Variants in CNBD1 observed in about 807,000 individuals in gnomAD.
CNBD1 encodes cyclic nucleotide binding domain containing 1.
CNBD1 carries 71 observed loss-of-function variants against 54.4 expected under a neutral mutation model. The ratio of observed to expected loss-of-function variants is 1.30; its 90% confidence interval spans 1.08 to 1.59. The LOEUF is 1.59. Among genes scored for constraint, CNBD1 ranks in the 40% most tolerant of loss-of-function variants. The probability of loss-of-function intolerance (pLI) is 0.00; values close to 1 mark genes in which losing one functional copy is unlikely to be tolerated. For synonymous variants in CNBD1, 182 were observed against 170.7 expected, an observed-to-expected ratio of 1.07 and a Z score of -0.51; for missense variants, 659 against 518.0, an observed-to-expected ratio of 1.27 and a Z score of -2.64.
intron 5 of CNBD1, among the ~76,000 whole-genome samples, chr8:87,236,486 T>A (rs1209667847): frequency 1.3e-5 from 2 of 152,060 alleles, no homozygotes; most frequent in Non-Finnish European, 2.9e-5. Flanking sequence ...AGAGCAAAGA[T>A]AAATGAAAAT....
At chr8:87,012,435 A>G (rs1809242946) in intron 4 of CNBD1, among the ~76,000 whole-genome samples, 1 of 152,172 alleles carries the variant, frequency 6.6e-6, no homozygotes. Flanking sequence ...ATTATGAGAC[A>G]AGGAAAAAAA....
chr8:87,084,717 C>T (rs1258270359), intron 4 of CNBD1, among the ~76,000 whole-genome samples: 4 of 150,980 alleles, frequency 2.6e-5, no homozygotes, highest in Non-Finnish European at 5.9e-5. Context: ...ACTCTTGTTG[C>T]CCAGGCTGGA....
chr8:87,271,508 G>T (rs765241800), intron 6 of CNBD1, among the ~76,000 whole-genome samples: 1 of 151,656 alleles, frequency 6.6e-6, no homozygotes, highest in Non-Finnish European at 1.5e-5. Context: ...TTGACCTATT[G>T]GTCATTCAGG....
At chr8:87,275,210 T>C (rs920189857) in intron 6 of CNBD1, among the ~76,000 whole-genome samples, 1 of 142,004 alleles carries the variant, frequency 7.0e-6, no homozygotes, top group Non-Finnish European at 1.5e-5. Flanking sequence ...GGTAGTGTGA[T>C]GCCTCCAGCT....
chr8:87,116,566 C>A (rs1811772539), intron 4 of CNBD1, among the ~76,000 whole-genome samples: 1 of 151,926 alleles, frequency 6.6e-6, no homozygotes, highest in Non-Finnish European at 1.5e-5. Context: ...TATTTAATTG[C>A]TTTTTATTGT....
At chr8:87,199,292 C>T (rs1438252066) in intron 4 of CNBD1, among the ~76,000 whole-genome samples, 1 of 152,080 alleles carries the variant, frequency 6.6e-6, no homozygotes, top group African/African-American at 2.4e-5. Flanking sequence ...AAGTAAGTAA[C>T]TAAAATTAAA....
chr8:87,128,023 GAGA>G (rs552230830), intron 4 of CNBD1, among the ~76,000 whole-genome samples: 201 of 152,284 alleles, frequency 1.3e-3, no homozygotes, highest in Non-Finnish European at 2.3e-3. Context: ...ATAAAGAGAA[GAGA>G]AGGAGTGTCT....
At chr8:87,305,014 G>A (rs980121069) in intron 8 of CNBD1, among the ~76,000 whole-genome samples, 1 of 152,014 alleles carries the variant, frequency 6.6e-6, no homozygotes, top group African/African-American at 2.4e-5. Flanking sequence ...AAACCCTAAG[G>A]ATTCCTCCAG....
At chr8:87,375,896 C>A (rs1056912949) in intron 10 of CNBD1, among the ~76,000 whole-genome samples, 2 of 151,690 alleles carry the variant, frequency 1.3e-5, no homozygotes, top group African/African-American at 4.8e-5. Context: ...TTTTTCAGGC[C>A]TTGGATCTAC....
chr8:87,180,172 G>A (rs1295818337), intron 4 of CNBD1, among the ~76,000 whole-genome samples: 2 of 152,060 alleles, frequency 1.3e-5, no homozygotes, highest in African/African-American at 4.8e-5. Flanking sequence ...AAATACCCAA[G>A]CCATGATTAC....
At chr8:87,405,163 A>G (rs1807631853) in intron 2 of CNBD1, among the ~76,000 whole-genome samples, 1 of 152,116 alleles carries the variant, frequency 6.6e-6, no homozygotes. Context: ...AAGGTGAGGG[A>G]ATAGATACAA....
intron 8 of CNBD1, among the ~76,000 whole-genome samples, chr8:87,341,954 A>C (rs1255337285): frequency 6.6e-6 from 1 of 152,178 alleles, no homozygotes. Flanking sequence ...GAAGCCTCTT[A>C]ATGGATTTCT....
intron 8 of CNBD1, among the ~76,000 whole-genome samples, chr8:87,337,239 T>A (rs1375815015): frequency 6.6e-6 from 1 of 152,022 alleles, no homozygotes; most frequent in Non-Finnish European, 1.5e-5. Context: ...GTGGAGGGTG[T>A]TTGCTGTGCT....
intron 3 of CNBD1, among the ~76,000 whole-genome samples, chr8:86,935,863 G>A (rs893183453): frequency 2.0e-5 from 3 of 150,064 alleles, no homozygotes; most frequent in African/African-American, 7.3e-5. Flanking sequence ...TGCATTTGGG[G>A]CTGAGCATAG....
intron 6 of CNBD1, among the ~76,000 whole-genome samples, chr8:87,274,873 C>G (rs1461786903): frequency 2.2e-5 from 3 of 134,146 alleles, no homozygotes; most frequent in African/African-American, 9.1e-5. Context: ...GTAATTTTAG[C>G]CTAGGTTTTC....
intron 4 of CNBD1, among the ~76,000 whole-genome samples, chr8:87,035,756 G>A (rs73281220): frequency 0.03 from 4,569 of 152,210 alleles, 237 homozygotes; most frequent in African/African-American, 0.1. Context: ...TCTGGAGGGT[G>A]GATAGTCCAG....
intron 2 of CNBD1, among the ~76,000 whole-genome samples, chr8:87,399,754 A>T (rs558462353): frequency 1.3e-5 from 2 of 152,086 alleles, no homozygotes; most frequent in South Asian, 4.1e-4. Context: ...GGAGCAGCTT[A>T]GGTGCTGGTA....
chr8:86,927,332 G>A (rs1445818227), intron 3 of CNBD1, among the ~76,000 whole-genome samples: 1 of 152,176 alleles, frequency 6.6e-6, no homozygotes, highest in East Asian at 1.9e-4. Context: ...CGCTGCTGCA[G>A]GGGGTCCAGG....
chr8:87,228,719 G>C (rs1053334579), intron 5 of CNBD1, among the ~76,000 whole-genome samples: 5 of 151,876 alleles, frequency 3.3e-5, no homozygotes, highest in African/African-American at 4.9e-5. Flanking sequence ...GCCCCCAGAG[G>C]TGGAGCCTAC....
Sources: allele counts gnomAD v4.1 joint callset (sites outside exome capture counted in the v4.1 genomes callset), GRCh38; gene constraint gnomAD v4.1.1; transcripts MANE v1.5; gene names NCBI Gene and HGNC (gene_info 2026-07-23, HGNC 2026-07-21).